Variants in ANKRD6 observed in about 807,000 individuals in gnomAD.
ANKRD6 encodes ankyrin repeat domain 6.
In ANKRD6, 56 loss-of-function variants were observed where a neutral mutation model predicts 82.3. That is an observed-to-expected ratio of 0.68 (90% confidence interval 0.55 to 0.85). The LOEUF (loss-of-function observed/expected upper bound fraction) is 0.85, where lower values mean the gene tolerates loss of function less well. Among genes scored for constraint, ANKRD6 ranks in the 40% least tolerant of loss-of-function variants. The pLI is 0.00. For synonymous variants in ANKRD6, 347 were observed against 352.1 expected, an observed-to-expected ratio of 0.99 and a Z score of 0.16; for missense variants, 852 against 907.6, an observed-to-expected ratio of 0.94 and a Z score of 0.79.
intron 1 of ANKRD6, among the ~76,000 whole-genome samples, chr6:89,555,093 C>G (rs1474669539): frequency 1.6e-5 from 2 of 123,086 alleles, no homozygotes; most frequent in African/African-American, 3.1e-5. Context: ...CTCCCTCCCC[C>G]CTCTCTCCCC....
At chr6:89,478,832 G>A (rs1776417149) in intron 1 of ANKRD6, among the ~76,000 whole-genome samples, 2 of 151,022 alleles carry the variant, frequency 1.3e-5, no homozygotes, top group Non-Finnish European at 3.0e-5. Flanking sequence ...TACATAGAAG[G>A]AATATGAGGT....
At chr6:89,481,182 A>C (rs56081502) in intron 1 of ANKRD6, among the ~76,000 whole-genome samples, 11,930 of 152,128 alleles carry the variant, frequency 0.078, 548 homozygotes, top group South Asian at 0.14. Context: ...AGCATCCCCC[A>C]CTTTAGCTCT....
At chr6:89,524,594 G>T (rs1177972338) in intron 1 of ANKRD6, among the ~76,000 whole-genome samples, 2 of 152,158 alleles carry the variant, frequency 1.3e-5, no homozygotes, top group Admixed American at 1.3e-4. Context: ...AAATAATGTG[G>T]TGTATATACC....
chr6:89,517,036 T>C (rs543937444), intron 1 of ANKRD6, among the ~76,000 whole-genome samples: 92 of 152,188 alleles, frequency 6.0e-4, no homozygotes, highest in African/African-American at 2.2e-3. Context: ...AACGAGATGA[T>C]TTTTCTGATT....
chr6:89,462,467 G>A (rs1452639463), intron 1 of ANKRD6, among the ~76,000 whole-genome samples: 1 of 152,030 alleles, frequency 6.6e-6, no homozygotes, highest in African/African-American at 2.4e-5. Context: ...TCTCTGAGCT[G>A]CAGGAGAGGG....
chr6:89,498,056 G>C lies in ANKRD6; in HGVS notation c.-144+64681G>C, dbSNP rs147280801. Among the ~76,000 whole-genome samples, 587 of 152,266 alleles carry C rather than the reference G, an allele frequency of 3.9e-3. 5 individuals carry two copies. The highest frequency in any genetic ancestry group is 0.013 in the African/African-American group (541 of 41,550). ...GAAGTATATGTTAATATCAGTTCCA[G>C]AGGGATTTAAAACAAATAAAAACAA... On this transcript the variant is annotated intron_variant, in intron 1 of 15. Coordinates refer to ENST00000339746, the MANE Select transcript of ANKRD6 (RefSeq NM_001242809.2).
At chr6:89,536,437 G>T (rs1261923261) in intron 1 of ANKRD6, among the ~76,000 whole-genome samples, 2 of 152,192 alleles carry the variant, frequency 1.3e-5, no homozygotes, top group Non-Finnish European at 2.9e-5. Flanking sequence ...AGGCACTATT[G>T]AGAAGAAAGT....
At chr6:89,495,909 G>A (rs1348797613) in intron 1 of ANKRD6, among the ~76,000 whole-genome samples, 1 of 152,060 alleles carries the variant, frequency 6.6e-6, no homozygotes, top group Non-Finnish European at 1.5e-5. Flanking sequence ...GGCTCAGAAA[G>A]TTTCTGACTT....
chr6:89,613,691 C>A, intron 6 of ANKRD6, 101 bp from the exon 7 acceptor site: 2 of 1,047,590 alleles, frequency 1.9e-6, no homozygotes, highest in Non-Finnish European at 2.8e-6. Context: ...CTAAAGAGTA[C>A]ATGATAGTCT....
intron 2 of ANKRD6, among the ~76,000 whole-genome samples, chr6:89,576,437 A>G (rs534906621): frequency 6.6e-6 from 1 of 152,340 alleles, no homozygotes; most frequent in African/African-American, 2.4e-5. Flanking sequence ...TGATAAAAGC[A>G]CTGGGTATGC....
intron 1 of ANKRD6, among the ~76,000 whole-genome samples, chr6:89,536,553 G>A (rs1012505191): frequency 1.2e-4 from 18 of 152,218 alleles, no homozygotes; most frequent in African/African-American, 4.3e-4. Flanking sequence ...TGTGTATGTC[G>A]AAGACATGTT....
chr6:89,619,218 G>T (rs576611278), intron 9 of ANKRD6, among the ~76,000 whole-genome samples: 1 of 152,198 alleles, frequency 6.6e-6, no homozygotes, highest in East Asian at 1.9e-4. Context: ...AAGCTGCGGG[G>T]TTTCCACCTC....
In ANKRD6 at chr6:89,439,895, C is replaced by T. The variant is rs564696896; in HGVS notation, c.-144+6520C>T. ...TATTTTTAGTAGAGACGGGGTTTTA[C>T]CATGTTAGCCAGGCTGCTCTTGAAC... is the stretch of plus-strand genomic sequence containing the variant. On this transcript the variant is annotated intron_variant, in intron 1 of 15. Transcript: ENST00000339746. 3.9e-5 allele frequency among the ~76,000 whole-genome samples: 6 copies of T among 152,138 alleles called. No homozygotes were observed. In the East Asian group the frequency reaches 1.2e-3, roughly 29 times the overall value.
intron 5 of ANKRD6, among the ~76,000 whole-genome samples, chr6:89,608,382 A>ATATATATATATATATATATATG (rs1181597705): frequency 9.5e-6 from 1 of 104,728 alleles, no homozygotes; most frequent in Non-Finnish European, 2.0e-5. Flanking sequence ...ATATATATAT[A>ATATATATATATATATATATATG]TATGTACAAT....
At chr6:89,545,221 A>AG (rs1370196515) in intron 1 of ANKRD6, among the ~76,000 whole-genome samples, 3 of 147,152 alleles carry the variant, frequency 2.0e-5, no homozygotes, top group Admixed American at 6.8e-5. Context: ...TCAAAAAAAA[A>AG]AAAAAAAAAG....
At chr6:89,536,641 G>A (rs978580873) in intron 1 of ANKRD6, among the ~76,000 whole-genome samples, 1 of 152,250 alleles carries the variant, frequency 6.6e-6, no homozygotes, top group Admixed American at 6.5e-5. Flanking sequence ...ACTTGAATGT[G>A]TGTGTGTGTC....
Position 89,486,611 on chromosome 6 carries a change from C to T in ANKRD6, c.-144+53236C>T, listed in dbSNP as rs74839616. On this transcript the variant is annotated intron_variant, in intron 1 of 15. Coordinates refer to ENST00000339746, the MANE Select transcript of ANKRD6 (RefSeq NM_001242809.2). ...ATCAGGGTGTCAGCATGGATTAGTT[C>T]TTTTAAAAATTTTTTAAATATATTT... 2.8e-3 allele frequency among the ~76,000 whole-genome samples: 429 copies of T among 152,130 alleles called. 1 individual carries two copies. The highest frequency in any genetic ancestry group is 5.2e-3 in the Non-Finnish European group (354 of 67,996).
chr6:89,543,213 A>G (rs1329635525), intron 1 of ANKRD6, among the ~76,000 whole-genome samples: 1 of 152,344 alleles, frequency 6.6e-6, no homozygotes, highest in African/African-American at 2.4e-5. Context: ...GCTGCCAGCT[A>G]TTATTCCAGG....
chr6:89,469,000 G>A (rs1431177682), intron 1 of ANKRD6, among the ~76,000 whole-genome samples: 1 of 152,056 alleles, frequency 6.6e-6, no homozygotes, highest in East Asian at 1.9e-4. Context: ...CACTAAAGCT[G>A]TCTCCTGGCT....
Sources: gnomAD v4.1 joint callset for allele counts (sites outside exome capture counted in the v4.1 genomes callset) on GRCh38, gnomAD v4.1.1 for gene constraint, MANE v1.5 for transcripts, NCBI Gene and HGNC (gene_info 2026-07-23, HGNC 2026-07-21) for gene names.